Variants in RIMS2 observed in about 807,000 individuals in gnomAD.
The protein encoded by RIMS2 is regulating synaptic membrane exocytosis protein 2.
RIMS2 carries 59 observed loss-of-function variants against 174.4 expected under a neutral mutation model. That is an observed-to-expected ratio of 0.34 (90% CI 0.27 to 0.42). The LOEUF (loss-of-function observed/expected upper bound fraction) is 0.42, where lower values mean the gene tolerates loss of function less well. Among genes scored for constraint, RIMS2 ranks in the 10% least tolerant of loss-of-function variants. The pLI is 1.00. For missense variants in RIMS2, 1,620 were observed against 1,666.3 expected (o/e 0.97, Z 0.48); for synonymous variants, 606 against 572.5 (o/e 1.06, Z -0.84).
At chr8:103,642,232 T>G (rs767939134) in intron 1 of RIMS2, among the ~76,000 whole-genome samples, 1 of 152,164 alleles carries the variant, frequency 6.6e-6, no homozygotes, top group Non-Finnish European at 1.5e-5. Context: ...AAATTTTATT[T>G]TGGTGGTTGC....
chr8:103,632,382 G>GT (rs1158892773), intron 1 of RIMS2, among the ~76,000 whole-genome samples: 24 of 152,080 alleles, frequency 1.6e-4, no homozygotes, highest in Non-Finnish European at 2.8e-4. Flanking sequence ...ATAATCATGT[G>GT]TTTTTTTGTC....
intron 1 of RIMS2, among the ~76,000 whole-genome samples, chr8:103,543,414 T>C (rs556041074): frequency 6.6e-6 from 1 of 152,332 alleles, no homozygotes; most frequent in East Asian, 1.9e-4. Context: ...AGAATTAATA[T>C]TGTTTAAATG....
At chr8:104,251,734 G>C (rs763788947) in exon 24 of RIMS2, 1 of 1,612,182 alleles carries the variant, frequency 6.2e-7, no homozygotes, top group African/African-American at 1.3e-5. Context: ...TTCCTCCCTA[G>C]TAGATCCAAC....
intron 1 of RIMS2, among the ~76,000 whole-genome samples, chr8:103,551,905 G>A (rs1370694854): frequency 6.6e-6 from 1 of 152,098 alleles, no homozygotes; most frequent in Non-Finnish European, 1.5e-5. Context: ...GGATGTGAAG[G>A]ACCTCTTCAA....
At chr8:104,036,364 G>C (rs933024550) in intron 19 of RIMS2, among the ~76,000 whole-genome samples, 4 of 151,306 alleles carry the variant, frequency 2.6e-5, no homozygotes, top group Non-Finnish European at 5.9e-5. Context: ...TGTTAGCCAG[G>C]ATGGTCTCTA....
chr8:103,787,840 C>G (rs565578299), intron 3 of RIMS2, among the ~76,000 whole-genome samples: 220 of 152,202 alleles, frequency 1.4e-3, no homozygotes, highest in Non-Finnish European at 2.5e-3. Context: ...CGGGGAAGTT[C>G]TCCTGGATAA....
intron 19 of RIMS2, among the ~76,000 whole-genome samples, chr8:104,165,372 A>G (rs181960637): frequency 1.3e-4 from 20 of 152,306 alleles, no homozygotes; most frequent in Admixed American, 1.2e-3. Flanking sequence ...CATTTTAAGT[A>G]CATTTATTAT....
At chr8:103,762,846 A>G (rs1482717639) in intron 2 of RIMS2, among the ~76,000 whole-genome samples, 1 of 152,220 alleles carries the variant, frequency 6.6e-6, no homozygotes. Flanking sequence ...ACAAACCTGT[A>G]CAACATGTTA....
At chr8:103,895,614 G>A (rs1603495) in intron 4 of RIMS2, among the ~76,000 whole-genome samples, 94,646 of 151,144 alleles carry the variant, frequency 0.63, 30,848 homozygotes, top group Non-Finnish European at 0.69. Flanking sequence ...TTTAGTCCGT[G>A]GCAGTCAGTT....
chr8:104,163,786 T>G (rs1393386032), intron 19 of RIMS2, among the ~76,000 whole-genome samples: 1 of 152,168 alleles, frequency 6.6e-6, no homozygotes, highest in Non-Finnish European at 1.5e-5. Flanking sequence ...TGTGAGGAAT[T>G]TATTGCTTTT....
intron 4 of RIMS2, among the ~76,000 whole-genome samples, chr8:103,902,319 G>C (rs1317590547): frequency 2.0e-5 from 3 of 152,132 alleles, no homozygotes; most frequent in African/African-American, 7.2e-5. Flanking sequence ...GCAAGGCAAA[G>C]TCTTATGAAA....
At chr8:103,581,199 G>T (rs2093601095) in intron 1 of RIMS2, among the ~76,000 whole-genome samples, 1 of 152,066 alleles carries the variant, frequency 6.6e-6, no homozygotes, top group African/African-American at 2.4e-5. Flanking sequence ...AACAAAATAA[G>T]AAGACTGTAG....
intron 12 of RIMS2, among the ~76,000 whole-genome samples, chr8:103,931,632 T>C (rs1167610665): frequency 6.6e-6 from 1 of 152,098 alleles, no homozygotes; most frequent in Non-Finnish European, 1.5e-5. Context: ...ATTTCTTGTA[T>C]ATATTTTCAT....
intron 15 of RIMS2, among the ~76,000 whole-genome samples, chr8:103,973,789 A>C (rs2093152724): frequency 6.6e-6 from 1 of 152,178 alleles, no homozygotes; most frequent in Non-Finnish European, 1.5e-5. Context: ...AACTGCAATT[A>C]TTTGGAAGTT....
intron 17 of RIMS2, among the ~76,000 whole-genome samples, chr8:104,007,419 A>G (rs903702931): frequency 6.6e-6 from 1 of 152,202 alleles, no homozygotes; most frequent in African/African-American, 2.4e-5. Flanking sequence ...TCTTAACTAG[A>G]CATTAAAAAT....
intron 6 of RIMS2, among the ~76,000 whole-genome samples, chr8:103,913,637 G>A (rs2076149137): frequency 6.6e-6 from 1 of 152,066 alleles, no homozygotes; most frequent in African/African-American, 2.4e-5. Context: ...AGGCTTTAAA[G>A]GAAGCATGAT....
intron 3 of RIMS2, among the ~76,000 whole-genome samples, chr8:103,779,022 C>T (rs2154432085): frequency 6.6e-6 from 1 of 152,192 alleles, no homozygotes; most frequent in Middle Eastern, 3.4e-3. Flanking sequence ...TTTTCATATA[C>T]CTGTTGGTCA....
intron 3 of RIMS2, among the ~76,000 whole-genome samples, chr8:103,879,886 T>C (rs1392961267): frequency 1.3e-5 from 2 of 151,734 alleles, no homozygotes; most frequent in African/African-American, 4.8e-5. Flanking sequence ...TGTGGCCTTA[T>C]TAAAATTCTT....
intron 19 of RIMS2, among the ~76,000 whole-genome samples, chr8:104,157,065 T>A (rs2098729073): frequency 6.6e-6 from 1 of 152,242 alleles, no homozygotes. Flanking sequence ...GCATATTTCT[T>A]GCCTTTAAAA....
Sources: gnomAD v4.1 joint callset for allele counts (sites outside exome capture counted in the v4.1 genomes callset) on GRCh38, gnomAD v4.1.1 for gene constraint, MANE v1.5 for transcripts, NCBI Gene and HGNC (gene_info 2026-07-23, HGNC 2026-07-21) for gene names.